The following RIPOR2 variants were observed in gnomAD, a reference collection of about 807,000 sequenced individuals.
RIPOR2 encodes RHO family interacting cell polarization regulator 2, also known as rho family-interacting cell polarization regulator 2.
RIPOR2 carries 39 observed loss-of-function variants against 114.5 expected under a neutral mutation model. The observed-to-expected ratio is 0.34, with a 90% CI of 0.26 to 0.44. The LOEUF is 0.44. Ranked by LOEUF, RIPOR2 falls within the 20% of genes least tolerant of loss-of-function variation. The pLI, the probability that RIPOR2 is intolerant of heterozygous loss-of-function variation, is 1.00. For synonymous variants in RIPOR2, 445 were observed against 484.4 expected, an observed-to-expected ratio of 0.92 and a Z score of 1.07; for missense variants, 1,007 against 1,255.1, an observed-to-expected ratio of 0.80 and a Z score of 2.99.
chr6:24,971,373 G>A (rs1773781565), intron 1 of RIPOR2, among the ~76,000 whole-genome samples: 1 of 152,236 alleles, frequency 6.6e-6, no homozygotes, highest in South Asian at 2.1e-4. Flanking sequence ...GGAGACACAT[G>A]TGCTGGATAT....
chr6:25,021,878 T>C (rs1288760042), intron 1 of RIPOR2, among the ~76,000 whole-genome samples: 3 of 152,230 alleles, frequency 2.0e-5, no homozygotes, highest in African/African-American at 2.4e-5. Flanking sequence ...AGTTTGTCTA[T>C]AGTCTGAGTC....
At chr6:24,965,454 AC>A (rs1376608901) in intron 1 of RIPOR2, among the ~76,000 whole-genome samples, 2 of 152,148 alleles carry the variant, frequency 1.3e-5, no homozygotes, top group East Asian at 3.8e-4. Flanking sequence ...TAATTCTGTT[AC>A]TTTATTTTTC....
At chr6:24,872,408 T>TG (rs1765271754) in intron 4 of RIPOR2, among the ~76,000 whole-genome samples, 1 of 151,942 alleles carries the variant, frequency 6.6e-6, no homozygotes, top group African/African-American at 2.4e-5. Context: ...AGACGGGGGG[T>TG]GGGTCTCACT....
chr6:24,918,296 A>G (rs1000489388), intron 1 of RIPOR2, among the ~76,000 whole-genome samples: 1 of 152,176 alleles, frequency 6.6e-6, no homozygotes, highest in African/African-American at 2.4e-5. Flanking sequence ...GGCTTGATTG[A>G]TAATCATTAA....
chr6:24,853,620 A>G (rs1047733724), intron 8 of RIPOR2, among the ~76,000 whole-genome samples: 1 of 152,242 alleles, frequency 6.6e-6, no homozygotes, highest in Non-Finnish European at 1.5e-5. Flanking sequence ...ATCCTACTCT[A>G]GAAAATTTAC....
At chr6:24,856,553 G>C (rs76560957) in intron 8 of RIPOR2, among the ~76,000 whole-genome samples, 1 of 152,092 alleles carries the variant, frequency 6.6e-6, no homozygotes, top group South Asian at 2.1e-4. Context: ...TCAGGAGTTC[G>C]TGACCAGCCT....
At chr6:24,839,721 A>T in intron 13 of RIPOR2, 1 of 1,455,148 alleles carries the variant, frequency 6.9e-7, no homozygotes, top group Non-Finnish European at 9.0e-7. Context: ...TGCTCACCCC[A>T]AAATAAAATA....
At chr6:24,887,996 G>A (rs2207400) in intron 1 of RIPOR2, among the ~76,000 whole-genome samples, 19,408 of 152,052 alleles carry the variant, frequency 0.13, 1,811 homozygotes, top group African/African-American at 0.27. Context: ...ACCCTCATTT[G>A]GTGTACACTA....
At chr6:24,848,278 G>C in intron 11 of RIPOR2, 124 bp from the exon 12 acceptor site, 1 of 972,460 alleles carries the variant, frequency 1.0e-6, no homozygotes, top group South Asian at 1.8e-5. Flanking sequence ...GAACTGGGCT[G>C]GTTTTAGCTA....
At chr6:24,898,608 C>T (rs1581744275) in intron 1 of RIPOR2, 2 of 152,190 alleles carry the variant, frequency 1.3e-5, no homozygotes, top group East Asian at 3.8e-4. Flanking sequence ...GATCAATATG[C>T]AAGGTGTTGC....
At chr6:24,961,295 AG>A (rs1773294675) in intron 1 of RIPOR2, among the ~76,000 whole-genome samples, 1 of 152,224 alleles carries the variant, frequency 6.6e-6, no homozygotes, top group Admixed American at 6.5e-5. Flanking sequence ...TTGTTGGAGA[AG>A]GGAGTATTCC....
At chr6:24,887,413 T>C (rs1385051069) in intron 1 of RIPOR2, among the ~76,000 whole-genome samples, 1 of 152,212 alleles carries the variant, frequency 6.6e-6, no homozygotes, top group Non-Finnish European at 1.5e-5. Context: ...TGATCATACC[T>C]AAGTCACCAA....
At chr6:24,919,174 C>T (rs1437931066) in intron 1 of RIPOR2, among the ~76,000 whole-genome samples, 1 of 152,220 alleles carries the variant, frequency 6.6e-6, no homozygotes, top group African/African-American at 2.4e-5. Flanking sequence ...ATAGAATCCA[C>T]ATCCCTGGCA....
At chr6:24,877,544 C>A (rs542019164) in intron 1 of RIPOR2, among the ~76,000 whole-genome samples, 2 of 152,242 alleles carry the variant, frequency 1.3e-5, no homozygotes, top group African/African-American at 4.8e-5. Context: ...AATGGTTAGA[C>A]AAAATGCAAG....
intron 15 of RIPOR2, among the ~76,000 whole-genome samples, chr6:24,833,509 A>G (rs1760843193): frequency 6.6e-6 from 1 of 151,396 alleles, no homozygotes; most frequent in Admixed American, 6.6e-5. Flanking sequence ...AAAAAAAACA[A>G]AAACAAAAAC....
At chr6:24,908,454 T>C (rs142669613) in intron 1 of RIPOR2, among the ~76,000 whole-genome samples, 138 of 152,334 alleles carry the variant, frequency 9.1e-4, no homozygotes, top group African/African-American at 3.0e-3. Context: ...CCTTTGTCTA[T>C]ATTTTAGTCT....
chr6:25,024,232 C>T, intron 1 of RIPOR2: 2 of 1,525,230 alleles, frequency 1.3e-6, no homozygotes, highest in South Asian at 2.2e-5. Context: ...TAGCGGTCCT[C>T]ATACAGTGTG....
At chr6:24,854,463 C>G (rs1017278331) in intron 8 of RIPOR2, among the ~76,000 whole-genome samples, 3 of 152,132 alleles carry the variant, frequency 2.0e-5, no homozygotes, top group Non-Finnish European at 1.5e-5. Flanking sequence ...CGAAGGCATG[C>G]TAGTCACATG....
At chr6:24,847,741 C>T in intron 12 of RIPOR2, 1 of 1,506,890 alleles carries the variant, frequency 6.6e-7, no homozygotes, top group Non-Finnish European at 8.9e-7. Flanking sequence ...AATCAGGTTA[C>T]TACATTTTGT....
Sources: gnomAD v4.1 joint callset for allele counts (sites outside exome capture counted in the v4.1 genomes callset) on GRCh38, gnomAD v4.1.1 for gene constraint, MANE v1.5 for transcripts, NCBI Gene and HGNC (gene_info 2026-07-23, HGNC 2026-07-21) for gene names.